NAV2: variants seen among roughly 807,000 people sequenced by gnomAD.
NAV2 encodes the protein neuron navigator 2.
A neutral mutation model predicts 223.2 loss-of-function variants in NAV2; 54 were observed. The ratio of observed to expected loss-of-function variants is 0.24; its 90% CI spans 0.19 to 0.30. The LOEUF (loss-of-function observed/expected upper bound fraction) is 0.30. Ranked by LOEUF, NAV2 falls within the 10% of genes least tolerant of loss-of-function variation. The pLI is 1.00. For missense variants in NAV2, 2,806 were observed against 3,147.5 expected (o/e 0.89, Z 2.60); for synonymous variants, 1,279 against 1,239.3 (o/e 1.03, Z -0.67).
At chr11:19,837,675 TA>T (rs58521482) in intron 2 of NAV2, among the ~76,000 whole-genome samples, 29 of 146,270 alleles carry the variant, frequency 2.0e-4, no homozygotes, top group Admixed American at 4.8e-4. Flanking sequence ...AACATTCTAT[TA>T]AAAAAAAAAA....
At chr11:19,771,626 CGGG>C (rs1174914805) in intron 1 of NAV2, among the ~76,000 whole-genome samples, 3 of 151,858 alleles carry the variant, frequency 2.0e-5, no homozygotes, top group Admixed American at 2.0e-4. Context: ...TCTGAGTTGT[CGGG>C]GGAGCCAGGA....
chr11:19,796,057 T>C (rs931041973), intron 1 of NAV2, among the ~76,000 whole-genome samples: 2 of 152,184 alleles, frequency 1.3e-5, no homozygotes, highest in Non-Finnish European at 1.5e-5. Flanking sequence ...TAATGTGTTA[T>C]ATAGTTACTG....
chr11:19,496,053 A>C (rs1445126990), intron 1 of NAV2, among the ~76,000 whole-genome samples: 2 of 152,216 alleles, frequency 1.3e-5, no homozygotes, highest in African/African-American at 4.8e-5. Flanking sequence ...CCAGAAACGA[A>C]GAAGCAGAAA....
intron 1 of NAV2, among the ~76,000 whole-genome samples, chr11:19,582,514 C>T (rs1466168614): frequency 6.6e-6 from 1 of 152,206 alleles, no homozygotes; most frequent in African/African-American, 2.4e-5. Flanking sequence ...ACATTTAAGT[C>T]TTTAATCCAT....
intron 1 of NAV2, among the ~76,000 whole-genome samples, chr11:19,827,724 A>G (rs1418017590): frequency 6.6e-6 from 1 of 151,866 alleles, no homozygotes; most frequent in Non-Finnish European, 1.5e-5. Context: ...TTTTAATTTT[A>G]AAAAATTGTT....
chr11:19,611,554 G>A (rs571769125), intron 1 of NAV2, among the ~76,000 whole-genome samples: 1 of 152,278 alleles, frequency 6.6e-6, no homozygotes, highest in Admixed American at 6.5e-5. Context: ...TTCCAAATGG[G>A]AGAAATTGGC....
At chr11:19,572,503 C>A (rs908024158) in intron 1 of NAV2, among the ~76,000 whole-genome samples, 1 of 152,166 alleles carries the variant, frequency 6.6e-6, no homozygotes, top group African/African-American at 2.4e-5. Context: ...AAAGATTAAA[C>A]AGGAAGCTCT....
chr11:19,415,639 A>T (rs1423376501), intron 1 of NAV2, among the ~76,000 whole-genome samples: 1 of 152,100 alleles, frequency 6.6e-6, no homozygotes, highest in Non-Finnish European at 1.5e-5. Context: ...GAGACACAAC[A>T]AAAAAAGAAA....
intron 6 of NAV2, among the ~76,000 whole-genome samples, chr11:19,901,278 G>C (rs2153188903): frequency 6.6e-6 from 1 of 152,318 alleles, no homozygotes; most frequent in East Asian, 1.9e-4. Flanking sequence ...CGGGCATGAT[G>C]ACTCACGCCT....
At chr11:20,100,862 A>T in intron 31 of NAV2, 75 bp from the exon 32 acceptor site, 1 of 1,277,528 alleles carries the variant, frequency 7.8e-7, no homozygotes, top group Non-Finnish European at 1.1e-6. Context: ...AGGTCTTGGC[A>T]GTCCCAGTTA....
rs184673720 is a variant in NAV2, at chr11:20,003,104, C to T, written c.2768+18857C>T. 4.6e-5 allele frequency among the ~76,000 whole-genome samples: 7 copies of T among 152,298 alleles called. No individual in the cohort carries two copies. In the East Asian group the frequency reaches 9.7e-4, roughly 21 times the overall value. ...CTTCAGGCAGAGCCCAGAAAACAAA[C>T]GCAGACCTTTCCTGCACCCTGGGAG... On this transcript the variant is annotated intron_variant, in intron 11 of 37. Transcript: ENST00000349880.
At chr11:19,977,798 CTTTTTTTTTT>C (rs1221334182) in intron 10 of NAV2, among the ~76,000 whole-genome samples, 1 of 90,808 alleles carries the variant, frequency 1.1e-5, no homozygotes, top group African/African-American at 4.2e-5. Context: ...CAACTTTTTT[CTTTTTTTTTT>C]TTTTTTTTTT....
At chr11:19,621,840 G>T (rs1370269915) in intron 1 of NAV2, among the ~76,000 whole-genome samples, 2 of 152,082 alleles carry the variant, frequency 1.3e-5, no homozygotes, top group East Asian at 1.9e-4. Context: ...TCTTTTCATT[G>T]TGATGGTAGG....
At chr11:19,500,572 A>G (rs2042933766) in intron 1 of NAV2, among the ~76,000 whole-genome samples, 1 of 152,218 alleles carries the variant, frequency 6.6e-6, no homozygotes, top group African/African-American at 2.4e-5. Context: ...GTCAGGAGGA[A>G]GATAGTATTA....
intron 1 of NAV2, among the ~76,000 whole-genome samples, chr11:19,703,088 A>G (rs1019481821): frequency 2.0e-5 from 3 of 151,780 alleles, no homozygotes; most frequent in Admixed American, 6.6e-5. Flanking sequence ...TATTAGCAAA[A>G]TAATTTTAAC....
chr11:19,445,299 A>G lies in NAV2; in HGVS notation c.75+94272A>G, dbSNP rs149554511. Among the ~76,000 whole-genome samples, 1,152 of 152,290 alleles carry G rather than the reference A, an allele frequency of 7.6e-3. 13 individuals are homozygous for G. The highest frequency in any genetic ancestry group is 0.026 in the African/African-American group (1,088 of 41,554). ...GGTTTTTTTTTAGTCCTACTGGCCA[A>G]CAAAGATCAGAATACATCCTGCAGG... is the stretch of plus-strand genomic sequence containing the variant. On this transcript the variant is annotated intron_variant, in intron 1 of 37. Coordinates refer to the NAV2 transcript ENST00000360655.
chr11:19,623,983 A>G (rs2047085536), intron 1 of NAV2, among the ~76,000 whole-genome samples: 1 of 152,124 alleles, frequency 6.6e-6, no homozygotes. Context: ...TTTTCCTTCT[A>G]ACAGTCAGGA....
At chr11:19,714,265 G>C (rs1209450758) in intron 1 of NAV2, 1 of 614,196 alleles carries the variant, frequency 1.6e-6, no homozygotes, top group Admixed American at 2.1e-5. Context: ...GTGCATCGCT[G>C]GAAATGTGAG....
chr11:20,061,460 T>C (rs1458308780), intron 19 of NAV2, among the ~76,000 whole-genome samples: 1 of 151,362 alleles, frequency 6.6e-6, no homozygotes, highest in Non-Finnish European at 1.5e-5. Flanking sequence ...TCCCAGCTAC[T>C]CAGGAGGCTG....
Sources: allele counts gnomAD v4.1 joint callset (sites outside exome capture counted in the v4.1 genomes callset), GRCh38; gene constraint gnomAD v4.1.1; transcripts MANE v1.5; gene names NCBI Gene and HGNC (gene_info 2026-07-23, HGNC 2026-07-21).